DIAPH3: variants seen among roughly 807,000 people sequenced by gnomAD.
The protein encoded by DIAPH3 is protein diaphanous homolog 3.
A neutral mutation model predicts 144.3 loss-of-function variants in DIAPH3; 117 were observed. The ratio of observed to expected loss-of-function variants is 0.81; its 90% CI spans 0.70 to 0.95. The LOEUF (loss-of-function observed/expected upper bound fraction) is 0.95. Ranked by LOEUF, DIAPH3 falls within the 40% of genes least tolerant of loss-of-function variation. DIAPH3 has a pLI of 0.00. For synonymous variants in DIAPH3, 519 were observed against 488.9 expected (o/e 1.06, Z -0.81); for missense variants, 1,421 against 1,412.7 (o/e 1.01, Z -0.09).
chr13:59,991,026 AAC>A (rs2051773665), intron 12 of DIAPH3, 130 bp downstream of exon 12: 1 of 628,342 alleles, frequency 1.6e-6, no homozygotes, highest in South Asian at 2.0e-5. Context: ...CAGAGAAAAC[AAC>A]ACATTCTATG....
chr13:59,800,941 GACT>G (rs2039871980), intron 25 of DIAPH3, among the ~76,000 whole-genome samples: 1 of 152,114 alleles, frequency 6.6e-6, no homozygotes, highest in Non-Finnish European at 1.5e-5. Context: ...AATAATGAGT[GACT>G]ACTATCAAAA....
Position 60,010,641 on chromosome 13 carries a change from T to C in DIAPH3, c.800A>G (p.Glu267Gly). The change falls in exon 8 of 28, where the codon GAG (glutamate) becomes GGG (glycine). Residue 267 changes from glutamate (E) to glycine (G), a missense_variant. Physicochemically the swap from Glu to Gly is moderately conservative, Grantham distance 98 (BLOSUM62 -2). Transcript: ENST00000400324. The stretch of plus-strand genomic sequence containing the variant: ...TTTGGCCAATAAGGAAAGGCTCCTC[T>C]CCTCACTCATAATTCTTTCCAAGCC... ...QYGLERIMSE[E>G]RSLSLLAKAV... is the part of the protein sequence containing the mutation. 6.2e-7 allele frequency: 1 copy of C among 1,613,780 alleles called. No individual in the cohort carries two copies. Among genetic ancestry groups the C allele is most frequent in the Non-Finnish European group, 8.5e-7 (1 of 1,179,798 alleles).
chr13:59,734,307 A>T (rs556602516), intron 27 of DIAPH3, among the ~76,000 whole-genome samples: 7 of 152,300 alleles, frequency 4.6e-5, no homozygotes, highest in African/African-American at 1.4e-4. Context: ...CAGAGTACTG[A>T]GGGTGAAAAA....
rs370100342 is a variant in DIAPH3 at position 59,970,784 on chromosome 13, T to C, written c.1959+68A>G. 855 of 1,354,252 alleles carry C rather than the reference T, an allele frequency of 6.3e-4. 3 individuals carry two copies. In the African/African-American group the frequency reaches 0.011, roughly 17 times the overall value. The allele number at this position is 1,354,252 out of a possible 1,614,324, so 83.9% of individuals were successfully genotyped here. On this transcript the variant is annotated intron_variant, in intron 16 of 27. Coordinates refer to ENST00000400324, the MANE Select transcript of DIAPH3 (RefSeq NM_001042517.2). ...ATAAATTAAATCTCATTAGAAATTA[T>C]GTATATATAAATCCAAAATTAGATT...
At chr13:60,126,567 CAAG>C in intron 2 of DIAPH3, among the ~76,000 whole-genome samples, 1 of 152,180 alleles carries the variant, frequency 6.6e-6, no homozygotes, top group East Asian at 1.9e-4. Flanking sequence ...AGAAAATTAA[CAAG>C]AATACAGAAG....
At chr13:60,152,870 A>C (rs2138416086) in intron 1 of DIAPH3, among the ~76,000 whole-genome samples, 1 of 152,278 alleles carries the variant, frequency 6.6e-6, no homozygotes, top group Non-Finnish European at 1.5e-5. Flanking sequence ...CAAAGGACTA[A>C]GGTGAAAAAC....
At chr13:60,063,155 T>A (rs2056832870) in intron 4 of DIAPH3, among the ~76,000 whole-genome samples, 1 of 152,260 alleles carries the variant, frequency 6.6e-6, no homozygotes, top group African/African-American at 2.4e-5. Flanking sequence ...GAATCATTTA[T>A]TGTCATTTGA....
chr13:60,162,935 G>A (rs1051640362), intron 1 of DIAPH3, among the ~76,000 whole-genome samples: 1 of 151,818 alleles, frequency 6.6e-6, no homozygotes, highest in Non-Finnish European at 1.5e-5. Flanking sequence ...AACCCTCTAT[G>A]TGATTTATTT....
intron 17 of DIAPH3, among the ~76,000 whole-genome samples, chr13:59,935,628 C>A (rs1040940821): frequency 6.6e-6 from 1 of 152,124 alleles, no homozygotes; most frequent in Non-Finnish European, 1.5e-5. Context: ...GAAGTAAATG[C>A]TTTGGTATTG....
intron 2 of DIAPH3, among the ~76,000 whole-genome samples, chr13:60,115,401 A>G (rs991841027): frequency 7.2e-5 from 11 of 152,226 alleles, no homozygotes; most frequent in African/African-American, 2.7e-4. Context: ...TTACTGAAAT[A>G]CGCAATTTAC....
chr13:59,772,853 T>C (rs933805875), intron 27 of DIAPH3, among the ~76,000 whole-genome samples: 2 of 152,080 alleles, frequency 1.3e-5, no homozygotes, highest in Non-Finnish European at 2.9e-5. Flanking sequence ...GAAGTACATA[T>C]ACGAAATCAA....
intron 1 of DIAPH3, among the ~76,000 whole-genome samples, chr13:60,157,758 G>A (rs900538650): frequency 3.3e-5 from 5 of 152,076 alleles, no homozygotes; most frequent in African/African-American, 1.2e-4. Flanking sequence ...GTTTTAGCAG[G>A]CAGTTAACTT....
At chr13:60,119,746 C>CAAAAAA (rs34356415) in intron 2 of DIAPH3, among the ~76,000 whole-genome samples, 97 of 49,512 alleles carry the variant, frequency 2.0e-3, no homozygotes, top group Middle Eastern at 0.02. Flanking sequence ...GACTCCGTCT[C>CAAAAAA]AAAAAAAAAA....
intron 17 of DIAPH3, among the ~76,000 whole-genome samples, chr13:59,928,479 T>G (rs1168047856): frequency 6.6e-6 from 1 of 152,200 alleles, no homozygotes; most frequent in Non-Finnish European, 1.5e-5. Flanking sequence ...GTCCCTAAAG[T>G]GATATCTGTG....
At chr13:59,999,007 A>T (rs1310674081) in intron 9 of DIAPH3, among the ~76,000 whole-genome samples, 1 of 152,166 alleles carries the variant, frequency 6.6e-6, no homozygotes, top group African/African-American at 2.4e-5. Flanking sequence ...AAAACAAAAA[A>T]TAGTAAATCA....
intron 2 of DIAPH3, among the ~76,000 whole-genome samples, chr13:60,116,709 A>G (rs2058714098): frequency 6.6e-6 from 1 of 151,944 alleles, no homozygotes. Context: ...ATAAATGGGA[A>G]TAATAAGCTT....
chr13:59,946,149 A>T (rs1166980747), intron 17 of DIAPH3, among the ~76,000 whole-genome samples: 1 of 152,202 alleles, frequency 6.6e-6, no homozygotes, highest in Admixed American at 6.5e-5. Context: ...CATCTATTAA[A>T]TGAGAAAATG....
intron 27 of DIAPH3, among the ~76,000 whole-genome samples, chr13:59,710,325 C>G (rs2034669969): frequency 6.8e-6 from 1 of 147,808 alleles, no homozygotes; most frequent in African/African-American, 2.5e-5. Flanking sequence ...CATGGTATAT[C>G]TGCAAAGATC....
chr13:60,042,507 C>G (rs1034975186), intron 5 of DIAPH3, among the ~76,000 whole-genome samples, 183 bp downstream of exon 5: 1 of 152,072 alleles, frequency 6.6e-6, no homozygotes, highest in African/African-American at 2.4e-5. Context: ...GAGCAATGTA[C>G]CACTCAGTAA....
Sources: allele counts gnomAD v4.1 joint callset (sites outside exome capture counted in the v4.1 genomes callset), GRCh38; gene constraint gnomAD v4.1.1; transcripts MANE v1.5; gene names NCBI Gene and HGNC (gene_info 2026-07-23, HGNC 2026-07-21).